KNDC1: variants seen among roughly 807,000 people sequenced by gnomAD.
The protein encoded by KNDC1 is kinase non-catalytic C-lobe domain containing 1.
Under a neutral mutation model 172.8 loss-of-function variants are expected in KNDC1, and 106 were observed. The ratio of observed to expected loss-of-function variants is 0.61; its 90% CI spans 0.52 to 0.72. The LOEUF (loss-of-function observed/expected upper bound fraction) is 0.72. Ranked by LOEUF, KNDC1 falls within the 30% of genes least tolerant of loss-of-function variation. The pLI, the probability that KNDC1 is intolerant of heterozygous loss-of-function variation, is 0.00. For synonymous variants in KNDC1, 1,083 were observed against 1,062.2 expected (o/e 1.02, Z -0.38); for missense variants, 2,325 against 2,394.5 (o/e 0.97, Z 0.61).
At chr10:133,207,411 G>C (rs529946793) in intron 20 of KNDC1, 60 bp downstream of exon 20, 40 of 1,492,518 alleles carry the variant, frequency 2.7e-5, no homozygotes, top group Admixed American at 1.8e-4. Context: ...CTGAGAAGAG[G>C]GGGGGAACGT....
chr10:133,201,909 G>GA lies in KNDC1; in HGVS notation c.3387+11_3387+12insA, dbSNP rs1854383125. On this transcript the variant is annotated intron_variant, in intron 17 of 29. Coordinates refer to ENST00000304613, the MANE Select transcript of KNDC1 (RefSeq NM_152643.8). ...GACGCCCAGAGCCCGGTGAGTCCCA[G>GA]GCCTTGGCACTGCCGGGTGGGGCAG... 1 of 1,504,284 alleles carries GA rather than the reference G, an allele frequency of 6.6e-7. No individual in the cohort carries two copies. Among genetic ancestry groups the GA allele is most frequent in the Non-Finnish European group, 8.9e-7 (1 of 1,128,136 alleles). 93.2% of individuals were successfully genotyped at this position (1,504,284 alleles called of 1,614,324 possible). A position where few individuals can be genotyped will look rare whatever the true frequency, so the allele number is the denominator to read the frequency against.
intron 11 of KNDC1, 86 bp from the exon 12 acceptor site, chr10:133,197,589 C>T (rs1328805004): frequency 1.0e-5 from 10 of 996,824 alleles, no homozygotes; most frequent in Middle Eastern, 2.2e-4. Context: ...ACGGCACCGG[C>T]GGGTGGTGGG....
Position 133,198,947 on chromosome 10 carries a change from C to A in KNDC1, c.2439C>A (p.Pro813=). 6.4e-7 allele frequency: 1 copy of A among 1,550,656 alleles called. No individual in the cohort carries two copies. The highest frequency in any genetic ancestry group is 8.7e-7 in the Non-Finnish European group (1 of 1,153,086). ...GAGTTGCTTCCGGGGGCCTCAGGCCCGACGCCCTGGGGCCCACCACGGCCC... is the reference window on the plus strand; with the variant it reads ...GAGTTGCTTCCGGGGGCCTCAGGCCAGACGCCCTGGGGCCCACCACGGCCC... ...PPGVASGGLR[P]DALGPTTAHH... Residue 813 remains proline (P), a synonymous_variant, in exon 14 of 30, where the codon CCC becomes CCA. Coordinates refer to ENST00000304613, the MANE Select transcript of KNDC1 (RefSeq NM_152643.8).
At chr10:133,172,070 C>T (rs1306349159) in intron 3 of KNDC1, among the ~76,000 whole-genome samples, 1 of 152,166 alleles carries the variant, frequency 6.6e-6, no homozygotes, top group African/African-American at 2.4e-5. Context: ...GATGGTCCTG[C>T]TACAGGTTTT....
chr10:133,215,830 C>G (rs1002585853), intron 26 of KNDC1, among the ~76,000 whole-genome samples: 1 of 152,264 alleles, frequency 6.6e-6, no homozygotes, highest in Admixed American at 6.5e-5. Flanking sequence ...AAGAGTCGTG[C>G]AGGCTCACAC....
In KNDC1 at chr10:133,206,699, G is replaced by A; in HGVS notation, c.3402G>A (p.Gln1134=). The A allele has an allele frequency of 1.2e-6, 2 of 1,613,948 alleles. No homozygotes were observed. Among genetic ancestry groups the A allele is most frequent in the Non-Finnish European group, 8.5e-7 (1 of 1,179,972 alleles). The part of the protein sequence containing the change: ...PDAQSPELEQ[Q]LMMEKRNYRK... Reference sequence around the variant, plus strand: ...TTCGTCCCCAGGAGCTGGAACAGCAGCTCATGATGGAGAAAAGAAACTACC... The same window carrying A: ...TTCGTCCCCAGGAGCTGGAACAGCAACTCATGATGGAGAAAAGAAACTACC... Residue 1134 remains glutamine (Q), a synonymous_variant, in exon 18 of 30, where the codon CAG becomes CAA. Coordinates refer to ENST00000304613, the MANE Select transcript of KNDC1 (RefSeq NM_152643.8).
At chr10:133,189,896 C>T (rs1854032569) in intron 9 of KNDC1, 83 bp downstream of exon 9, 1 of 1,174,830 alleles carries the variant, frequency 8.5e-7, no homozygotes, top group Admixed American at 1.9e-5. Context: ...AGCAGCCCCC[C>T]ATCAGGACTC....
At position 133,213,844 on chromosome 10, in the gene KNDC1, A is replaced by G. The variant is rs117142437; in HGVS notation, c.4526+117A>G. ...ATGCCTGTGTCTCCAGAGACGCGAG[A>G]GAGTGGTGTCTGCCAGTTGGAGCGG... is the stretch of plus-strand genomic sequence containing the variant. On this transcript the variant is annotated intron_variant, in intron 25 of 29. Coordinates refer to ENST00000304613, the MANE Select transcript of KNDC1 (RefSeq NM_152643.8). 1.8e-4 allele frequency: 252 copies of G among 1,436,710 alleles called. 5 individuals carry two copies. The East Asian group carries it at 5.6e-3, about 32-fold the overall frequency. The allele number at this position is 1,436,710 out of a possible 1,614,324, so 89.0% of individuals were successfully genotyped here.
chr10:133,182,787 A>G (rs147474312), intron 3 of KNDC1, among the ~76,000 whole-genome samples: 2,981 of 152,384 alleles, frequency 0.02, 100 homozygotes, highest in African/African-American at 0.068. Context: ...GGGCGGGGCC[A>G]TGGCCAGCAC....
rs1589760353 is a variant in KNDC1 at position 133,199,087 on chromosome 10, C to T, written c.2579C>T (p.Pro860Leu). 6.2e-7 allele frequency: 1 copy of T among 1,608,716 alleles called. No homozygotes were observed. ...GCCGGGGAACGTGATGACCAGAGTC[C>T]AGACAGTGTCCCAGAGAGGCCGCGG... ...TPAGERDDQS[P>L]DSVPERPRPA... is the part of the protein sequence containing the mutation. The change falls in exon 14 of 30, where the codon CCA (proline) becomes CTA (leucine). Residue 860 changes from proline (P) to leucine (L), a missense_variant. Pro to Leu is a moderately conservative substitution (Grantham distance 98). Transcript: ENST00000304613.
Position 133,184,416 on chromosome 10 carries a change from TCA to T in KNDC1, c.625+432_625+433del, listed in dbSNP as rs1223592588. Among the ~76,000 whole-genome samples the T allele has an allele frequency of 6.2e-3, 274 of 44,420 alleles. 2 individuals carry two copies. The highest frequency in any genetic ancestry group is 0.015 in the African/African-American group (229 of 15,336). 29.1% of individuals were successfully genotyped at this position (44,420 alleles called of 152,430 possible). A position where few individuals can be genotyped will look rare whatever the true frequency, so the allele number is the denominator to read the frequency against. ...CACACGCACACACGCACACACCCAC[TCA>T]CACATTCAGAGATCACACAAACTCA... On this transcript the variant is annotated intron_variant, in intron 5 of 29. Coordinates refer to ENST00000304613, the MANE Select transcript of KNDC1 (RefSeq NM_152643.8).
chr10:133,161,818 G>A (rs779485047), intron 1 of KNDC1, among the ~76,000 whole-genome samples: 2 of 152,196 alleles, frequency 1.3e-5, no homozygotes, highest in Non-Finnish European at 2.9e-5. Flanking sequence ...CCCTGAGGAC[G>A]CAGCTCTTCC....
chr10:133,198,553 C>T (rs779188482), intron 13 of KNDC1, 25 bp from the exon 14 acceptor site: 6 of 1,578,894 alleles, frequency 3.8e-6, no homozygotes, highest in African/African-American at 1.3e-5. Flanking sequence ...CAGGCAGCCC[C>T]TCCTGAGCTC....
rs779846174 is a variant in KNDC1, at chr10:133,201,784, C to T, written c.3273C>T (p.Pro1091=). ...CAGCCGGATTCCAGAGCTGCAGCCCCGGCTGGTGCAGCGCCTTCTACGAGG... is the reference window on the plus strand; with the variant it reads ...CAGCCGGATTCCAGAGCTGCAGCCCTGGCTGGTGCAGCGCCTTCTACGAGG... ...PGPAGFQSCS[P]GWCSAFYEAD... is the part of the protein sequence containing the mutation. The change falls in exon 17 of 30, where the codon CCC becomes CCT. Residue 1091 remains proline (P), a synonymous_variant. Transcript: ENST00000304613. 20 of 1,544,066 alleles carry T rather than the reference C, an allele frequency of 1.3e-5. No individual in the cohort carries two copies. The highest frequency in any genetic ancestry group is 9.6e-5 in the African/African-American group (7 of 72,854).
intron 3 of KNDC1, among the ~76,000 whole-genome samples, chr10:133,169,307 A>G (rs1290445349): frequency 2.6e-5 from 4 of 152,126 alleles, no homozygotes; most frequent in Non-Finnish European, 5.9e-5. Context: ...TAAAAATACA[A>G]AAGTTAGCCG....
intron 26 of KNDC1, among the ~76,000 whole-genome samples, chr10:133,216,820 C>G (rs1845476051): frequency 6.6e-6 from 1 of 152,258 alleles, no homozygotes; most frequent in Non-Finnish European, 1.5e-5. Flanking sequence ...AAAATGCGGC[C>G]TCTTTGTACC....
rs1195446614 is a variant in KNDC1 at position 133,226,007 on chromosome 10, C to CT, written c.*1121dup. The CT allele has an allele frequency of 1.3e-5, 2 of 152,240 alleles. No individual in the cohort carries two copies. The highest frequency in any genetic ancestry group is 2.9e-5 in the Non-Finnish European group (2 of 68,044). The allele number at this position is 152,240 out of a possible 1,614,324, so 9.4% of individuals were successfully genotyped here. ...GCCAATCACAAGACCCAGGGTTGTG[C>CT]TTTTGAGTTTTAGAATTAGTCATTC... On this transcript the variant is annotated 3_prime_UTR_variant, in exon 30 of 30. Coordinates refer to ENST00000304613, the MANE Select transcript of KNDC1 (RefSeq NM_152643.8).
chr10:133,197,260 T>C (rs1437163442), intron 11 of KNDC1, 125 bp downstream of exon 11: 6 of 729,632 alleles, frequency 8.2e-6, no homozygotes, highest in Non-Finnish European at 1.4e-5. Context: ...ACCACCGAGC[T>C]GTGGGTGGGT....
chr10:133,212,965 G>T, intron 24 of KNDC1, 43 bp downstream of exon 24: 2 of 1,566,042 alleles, frequency 1.3e-6, no homozygotes, highest in South Asian at 1.2e-5. Context: ...CTGCGAGTCG[G>T]GGCCCCAGAA....
Sources: allele counts gnomAD v4.1 joint callset (sites outside exome capture counted in the v4.1 genomes callset), GRCh38; gene constraint gnomAD v4.1.1; transcripts MANE v1.5; gene names NCBI Gene and HGNC (gene_info 2026-07-23, HGNC 2026-07-21).